The following PPP1R3F variants were observed in gnomAD, a reference collection of about 807,000 sequenced individuals.
The protein encoded by PPP1R3F is protein phosphatase 1, regulatory (inhibitor) subunit 3F.
Under a neutral mutation model 24.2 loss-of-function variants are expected in PPP1R3F, and 29 were observed. That is an observed-to-expected ratio of 1.20 (90% CI 0.89 to 1.63). The LOEUF (loss-of-function observed/expected upper bound fraction) is 1.63. Ranked by LOEUF, PPP1R3F falls within the 40% of genes most tolerant of loss-of-function variation. PPP1R3F has a pLI of 0.00. For missense variants in PPP1R3F, 823 were observed against 729.3 expected (o/e 1.13, Z -1.48); for synonymous variants, 363 against 340.1 (o/e 1.07, Z -0.74).
intron 3 of PPP1R3F, among the ~76,000 whole-genome samples, chrX:49,293,584 A>G (rs2066314975): frequency 8.9e-6 from 1 of 112,735 alleles, no homozygotes. Context: ...ACACAATGTT[A>G]GGTGAAAGAA....
rs891023744 is a variant in PPP1R3F at position 49,270,427 on chromosome X, C to T, written c.558C>T (p.Asp186=). Residue 186 remains aspartate, a synonymous_variant, in exon 1 of 4, where the codon GAC becomes GAT. Transcript: ENST00000055335. The stretch of plus-strand genomic sequence containing the variant: ...CGGTGCACGTGCGGGCCTCACACGA[C>T]GGCTGGGCTTCCTTTTGCGACCACC... ...EKAVHVRASH[D]GWASFCDHPA... 9 of 1,189,358 alleles carry T rather than the reference C, an allele frequency of 7.6e-6. No individual in the cohort carries two copies. In the African/African-American group the frequency reaches 1.2e-4, roughly 16 times the overall value.
chrX:49,275,610 ATCTT>A (rs1265029775), intron 1 of PPP1R3F: 2 of 111,086 alleles, frequency 1.8e-5, no homozygotes, highest in East Asian at 2.8e-4. Flanking sequence ...TTGTAGTTAT[ATCTT>A]TATTAGGGGG....
chrX:49,280,234 TTTTTGTTTTGTTTTG>T, intron 1 of PPP1R3F, among the ~76,000 whole-genome samples: 1 of 106,826 alleles, frequency 9.4e-6, no homozygotes, highest in East Asian at 3.0e-4. Context: ...AGAAAAGGTG[TTTTTGTTTTGTTTTG>T]TTTTGTTTTG....
chrX:49,280,277 C>G (rs892129381), intron 1 of PPP1R3F, among the ~76,000 whole-genome samples: 6 of 111,449 alleles, frequency 5.4e-5, no homozygotes, highest in Non-Finnish European at 9.4e-5. Context: ...GAGATAATCT[C>G]TCACTCTGTC....
At chrX:49,272,779 C>T (rs2066188670) in intron 1 of PPP1R3F, among the ~76,000 whole-genome samples, 1 of 112,365 alleles carries the variant, frequency 8.9e-6, no homozygotes, top group African/African-American at 3.2e-5. Context: ...GTGAGGCCTG[C>T]TGTGCATGCT....
intron 3 of PPP1R3F, 139 bp from the exon 4 acceptor site, chrX:49,285,695 T>G: frequency 1.8e-6 from 1 of 561,744 alleles, no homozygotes; most frequent in African/African-American, 2.3e-5. Flanking sequence ...AGAGGGCGCT[T>G]TAAGGCATTT....
chrX:49,270,624 G>C lies in PPP1R3F; in HGVS notation c.755G>C (p.Gly252Ala), dbSNP rs1357432923. The C allele has an allele frequency of 8.3e-7, 1 of 1,205,470 alleles. No individual in the cohort carries two copies. The highest frequency in any genetic ancestry group is 3.0e-5 in the East Asian group (1 of 33,701). ...GCCTTCCAGCTGCCCTTTGCTGAGG[G>C]CGCGGGCGATGGGGCGCGCCTCGAC... ...RFAFQLPFAE[G>A]AGDGARLDFV... Residue 252 changes from glycine to alanine, a missense_variant, in exon 1 of 4, where the codon GGC becomes GCC. Gly to Ala is a moderately conservative substitution (Grantham distance 60). Transcript: ENST00000055335.
At chrX:49,276,966 A>C (rs1557120095) in intron 1 of PPP1R3F, among the ~76,000 whole-genome samples, 1 of 112,386 alleles carries the variant, frequency 8.9e-6, no homozygotes, top group African/African-American at 3.2e-5. Flanking sequence ...ACTACATGGG[A>C]GCCGGGGTCT....
chrX:49,293,322 T>A (rs1187913072), intron 3 of PPP1R3F, among the ~76,000 whole-genome samples: 1 of 112,475 alleles, frequency 8.9e-6, no homozygotes, highest in African/African-American at 3.2e-5. Flanking sequence ...ATTATTATAC[T>A]CCTATTGGAT....
chrX:49,280,562 TGAGAC>T (rs2066242319), intron 1 of PPP1R3F, among the ~76,000 whole-genome samples: 2 of 100,107 alleles, frequency 2.0e-5, no homozygotes, highest in Non-Finnish European at 2.0e-5. Flanking sequence ...TTTTTTTTTT[TGAGAC>T]TGAGTTTCAC....
At chrX:49,288,818 G>C (rs1464657973), downstream of PPP1R3F, among the ~76,000 whole-genome samples, 1 of 111,879 alleles carries the variant, frequency 8.9e-6, no homozygotes, top group Non-Finnish European at 1.9e-5. Flanking sequence ...GCCTAAATGC[G>C]AAGGGCAAAA....
chrX:49,278,593 C>G (rs1198019604), intron 1 of PPP1R3F, among the ~76,000 whole-genome samples: 1 of 111,902 alleles, frequency 8.9e-6, no homozygotes, highest in Non-Finnish European at 1.9e-5. Context: ...TCAAGTACCT[C>G]TGGTGGGATT....
At position 49,285,946 on chromosome X, in the gene PPP1R3F, C is replaced by T; in HGVS notation, c.1256C>T (p.Pro419Leu). 8.3e-7 allele frequency: 1 copy of T among 1,208,047 alleles called. No homozygotes were observed. Residue 419 changes from proline to leucine, a missense_variant, in exon 4 of 4, where the codon CCC (proline) becomes CTC (leucine). Pro to Leu is a moderately conservative substitution (Grantham distance 98, BLOSUM62 -3). Coordinates refer to ENST00000055335, the MANE Select transcript of PPP1R3F (RefSeq NM_033215.5). ...CAGGCACCGGCCATCAGGATTCCCC[C>T]CTCCTCCCCTCTCTGTGGCCTGGGT... is the stretch of plus-strand genomic sequence containing the variant. The part of the protein sequence containing the change: ...VLQAPAIRIP[P>L]SSPLCGLGGS...
chrX:49,275,986 C>T (rs782642265), intron 1 of PPP1R3F, among the ~76,000 whole-genome samples: 27 of 112,284 alleles, frequency 2.4e-4, no homozygotes, highest in Non-Finnish European at 3.9e-4. Flanking sequence ...TTGAACGGGA[C>T]AAGTCAGGGG....
chrX:49,290,727 C>T (rs782752049), downstream of PPP1R3F, among the ~76,000 whole-genome samples: 4 of 111,593 alleles, frequency 3.6e-5, no homozygotes, highest in African/African-American at 9.8e-5. Context: ...CAGGGTCACA[C>T]AGTGGGCAAG....
At chrX:49,290,768 C>T (rs1255686675), downstream of PPP1R3F, among the ~76,000 whole-genome samples, 1 of 111,080 alleles carries the variant, frequency 9.0e-6, no homozygotes, top group Non-Finnish European at 1.9e-5. Flanking sequence ...TCCCTTTGCT[C>T]GTCTGTCATC....
chrX:49,270,540 T>G lies in PPP1R3F; in HGVS notation c.671T>G (p.Leu224Arg). The change falls in exon 1 of 4, where the codon CTG becomes CGG. Residue 224 changes from leucine to arginine, a missense_variant. Coordinates refer to ENST00000055335, the MANE Select transcript of PPP1R3F (RefSeq NM_033215.5). ...GDPILDPGLG[L>R]GPGQASASSP... ...CCCATCCTGGATCCGGGGCTCGGCC[T>G]GGGTCCCGGCCAGGCATCCGCCTCC... The G allele has an allele frequency of 8.3e-7, 1 of 1,204,681 alleles. No individual in the cohort carries two copies. Among genetic ancestry groups the G allele is most frequent in the Non-Finnish European group, 1.1e-6 (1 of 894,394 alleles).
chrX:49,271,727 C>T (rs1187893628), intron 1 of PPP1R3F, among the ~76,000 whole-genome samples: 2 of 113,156 alleles, frequency 1.8e-5, no homozygotes, highest in Non-Finnish European at 1.9e-5. Context: ...CTTTTGAGTC[C>T]TGTGGAGGCG....
At chrX:49,295,923 A>C (rs930517541) in intron 3 of PPP1R3F, among the ~76,000 whole-genome samples, 2 of 111,015 alleles carry the variant, frequency 1.8e-5, no homozygotes, top group African/African-American at 6.5e-5. Context: ...CATTTGTTAC[A>C]ATTGATCATT....
Sources: gnomAD v4.1 joint callset for allele counts (sites outside exome capture counted in the v4.1 genomes callset) on GRCh38, gnomAD v4.1.1 for gene constraint, MANE v1.5 for transcripts, NCBI Gene and HGNC (gene_info 2026-07-23, HGNC 2026-07-21) for gene names.